Variants in ADCY10 observed in about 807,000 individuals in gnomAD.
ADCY10 encodes adenylate cyclase type 10.
In ADCY10, 156 loss-of-function variants were observed where a neutral mutation model predicts 183.3. The observed-to-expected ratio is 0.85, with a 90% CI of 0.75 to 0.97. ADCY10 has a LOEUF of 0.97. Among genes scored for constraint, ADCY10 ranks in the 50% least tolerant of loss-of-function variants. ADCY10 has a pLI of 0.00. For missense variants in ADCY10, 1,745 were observed against 1,934.3 expected, an observed-to-expected ratio of 0.90 and a Z score of 1.84; for synonymous variants, 645 against 670.0, an observed-to-expected ratio of 0.96 and a Z score of 0.58.
intron 21 of ADCY10, among the ~76,000 whole-genome samples, chr1:167,842,740 T>C (rs2101951713): frequency 6.6e-6 from 1 of 152,286 alleles, no homozygotes; most frequent in African/African-American, 2.4e-5. Flanking sequence ...GCCAGTTATA[T>C]GACAATATAG....
intron 13 of ADCY10, among the ~76,000 whole-genome samples, chr1:167,872,332 C>G (rs909317781): frequency 2.0e-5 from 3 of 150,438 alleles, no homozygotes; most frequent in African/African-American, 7.4e-5. Context: ...GAGCAAAACT[C>G]CATCTCAAAA....
At chr1:167,835,466 G>A (rs1222634042) in intron 23 of ADCY10, among the ~76,000 whole-genome samples, 1 of 152,170 alleles carries the variant, frequency 6.6e-6, no homozygotes, top group Non-Finnish European at 1.5e-5. Flanking sequence ...TAGTGCCCTG[G>A]AACCTTATTT....
At chr1:167,858,729 G>A (rs1571323410) in intron 16 of ADCY10, among the ~76,000 whole-genome samples, 2 of 152,124 alleles carry the variant, frequency 1.3e-5, no homozygotes, top group Middle Eastern at 6.8e-3. Flanking sequence ...ATTTCTCTAG[G>A]TTAAAAAAAA....
At chr1:167,854,662 T>C (rs1403542545) in intron 17 of ADCY10, among the ~76,000 whole-genome samples, 173 bp from the exon 18 acceptor site, 2 of 152,190 alleles carry the variant, frequency 1.3e-5, no homozygotes, top group East Asian at 3.8e-4. Flanking sequence ...CTCATGTGTG[T>C]ACACAATAAG....
At chr1:167,902,719 C>G (rs1009299510) in intron 3 of ADCY10, among the ~76,000 whole-genome samples, 1 of 152,152 alleles carries the variant, frequency 6.6e-6, no homozygotes, top group Non-Finnish European at 1.5e-5. Flanking sequence ...TGATAAAACA[C>G]TAGGCCAGGA....
chr1:167,837,185 A>G, intron 22 of ADCY10, 64 bp downstream of exon 22: 4 of 1,406,208 alleles, frequency 2.8e-6, no homozygotes, highest in Non-Finnish European at 4.0e-6. Flanking sequence ...TGATTCTAAT[A>G]GTGTTCTGAA....
intron 14 of ADCY10, among the ~76,000 whole-genome samples, chr1:167,865,484 AAT>A (rs1421988982): frequency 6.6e-6 from 1 of 152,226 alleles, no homozygotes; most frequent in Non-Finnish European, 1.5e-5. Context: ...AAATTGGATA[AAT>A]ATGTCTATGA....
In ADCY10 at chr1:167,875,321, G is replaced by A. The variant is rs74120523; in HGVS notation, c.1407-135C>T. ...GAGTCTATCCCCTGACTCACGGGTC[G>A]CAAACGCCAAAAGAAGGAGAAACGA... On this transcript the variant is annotated intron_variant, in intron 12 of 32. Coordinates refer to ENST00000367851, the MANE Select transcript of ADCY10 (RefSeq NM_018417.6). The A allele has an allele frequency of 0.015, 12,494 of 832,048 alleles. 939 individuals carry two copies. The African/African-American group carries it at 0.17, about 12-fold the overall frequency. 51.5% of individuals were successfully genotyped at this position (832,048 alleles called of 1,614,324 possible). A position where few individuals can be genotyped will look rare whatever the true frequency, so the allele number is the denominator to read the frequency against.
chr1:167,838,607 G>A (rs946203168), intron 21 of ADCY10, among the ~76,000 whole-genome samples: 6 of 152,280 alleles, frequency 3.9e-5, no homozygotes, highest in East Asian at 1.9e-4. Flanking sequence ...CCTGGGCTCC[G>A]TTCTCCTTTC....
chr1:167,833,296 T>C (rs1285176264), intron 24 of ADCY10, 134 bp from the exon 25 acceptor site: 1 of 822,444 alleles, frequency 1.2e-6, no homozygotes, highest in East Asian at 2.4e-5. Context: ...AAAATCTTCC[T>C]GTGCCTGGCA....
chr1:167,904,370 G>C lies in ADCY10; in HGVS notation c.149-379C>G, dbSNP rs1314342565. 2.0e-5 allele frequency among the ~76,000 whole-genome samples: 3 copies of C among 152,102 alleles called. No homozygotes were observed. In the East Asian group the frequency reaches 5.8e-4, roughly 29 times the overall value. On this transcript the variant is annotated intron_variant, in intron 2 of 32. Transcript: ENST00000367851. The stretch of plus-strand genomic sequence containing the variant: ...AAAAGTGTTGGGATTGCAGGCGTGA[G>C]CCACCGAACCCGGTGGCCTCAGCTT...
chr1:167,822,990 T>C lies in ADCY10; in HGVS notation c.4168+18A>G, dbSNP rs1394833427. On this transcript the variant is annotated intron_variant, in intron 29 of 32. Coordinates refer to ENST00000367851, the MANE Select transcript of ADCY10 (RefSeq NM_018417.6). Reference sequence around the variant, plus strand: ...ATCAACACCCCCAAGTTCTTTTACATCCCAAACCCACACTTACCAGAATAA... The same window carrying C: ...ATCAACACCCCCAAGTTCTTTTACACCCCAAACCCACACTTACCAGAATAA... 1 of 1,610,494 alleles carries C rather than the reference T, an allele frequency of 6.2e-7. No homozygotes were observed. The highest frequency in any genetic ancestry group is 8.5e-7 in the Non-Finnish European group (1 of 1,177,018).
At chr1:167,836,198 G>A (rs1402731431) in intron 23 of ADCY10, 111 bp downstream of exon 23, 2 of 754,756 alleles carry the variant, frequency 2.6e-6, no homozygotes, top group Non-Finnish European at 4.8e-6. Context: ...AAGGGGTGCT[G>A]TCGGGAATAT....
chr1:167,866,356 T>C (rs1289407065), intron 14 of ADCY10, among the ~76,000 whole-genome samples: 1 of 152,156 alleles, frequency 6.6e-6, no homozygotes, highest in Non-Finnish European at 1.5e-5. Flanking sequence ...TGAAATCAAA[T>C]AGCTACAAAA....
Position 167,895,710 on chromosome 1 carries a change from G to A in ADCY10, c.739+885C>T, listed in dbSNP as rs529634674. On this transcript the variant is annotated intron_variant, in intron 7 of 32. Coordinates refer to ENST00000367851, the MANE Select transcript of ADCY10 (RefSeq NM_018417.6). ...ATTCTGGCTGTTAGGTCTGAGACTC[G>A]GGTGATGTAAGCAACTTGCAGGACC... is the stretch of plus-strand genomic sequence containing the variant. Among the ~76,000 whole-genome samples the A allele has an allele frequency of 2.6e-5, 4 of 152,276 alleles. 1 individual carries two copies. Among genetic ancestry groups the A allele is most frequent in the South Asian group, 4.1e-4 (2 of 4,822 alleles).
intron 4 of ADCY10, 39 bp from the exon 5 acceptor site, chr1:167,901,844 T>A (rs1473801149): frequency 1.2e-6 from 2 of 1,614,144 alleles, no homozygotes; most frequent in Non-Finnish European, 1.7e-6. Context: ...TGACCTGCCC[T>A]GGGGATCAAT....
intron 17 of ADCY10, among the ~76,000 whole-genome samples, 171 bp downstream of exon 17, chr1:167,855,994 C>A (rs537124798): frequency 1.3e-5 from 2 of 152,182 alleles, no homozygotes; most frequent in South Asian, 2.1e-4. Context: ...CAGAGTAAGA[C>A]CCTGTCTCAA....
chr1:167,879,913 T>C (rs920580543), intron 11 of ADCY10, among the ~76,000 whole-genome samples: 1 of 152,188 alleles, frequency 6.6e-6, no homozygotes, highest in Non-Finnish European at 1.5e-5. Context: ...CATGACTACA[T>C]ATTTCTCTAC....
intron 25 of ADCY10, among the ~76,000 whole-genome samples, chr1:167,830,158 T>C (rs995087533): frequency 3.9e-5 from 6 of 152,166 alleles, no homozygotes; most frequent in Non-Finnish European, 8.8e-5. Flanking sequence ...AGACAATACA[T>C]AATTGACTAT....
Sources: gnomAD v4.1 joint callset for allele counts (sites outside exome capture counted in the v4.1 genomes callset) on GRCh38, gnomAD v4.1.1 for gene constraint, MANE v1.5 for transcripts, NCBI Gene and HGNC (gene_info 2026-07-23, HGNC 2026-07-21) for gene names.